Variants in LRBA observed in about 807,000 individuals in gnomAD.
LRBA encodes the protein LPS responsive beige-like anchor protein.
A neutral mutation model predicts 330.0 loss-of-function variants in LRBA; 176 were observed. The ratio of observed to expected loss-of-function variants is 0.53; its 90% CI spans 0.47 to 0.60. The LOEUF (loss-of-function observed/expected upper bound fraction) is 0.60. LRBA is among the 20% of genes least tolerant of loss of function. The pLI, the probability that LRBA is intolerant of heterozygous loss-of-function variation, is 0.00. For missense variants in LRBA, 3,259 were observed against 3,444.8 expected (o/e 0.95, Z 1.35); for synonymous variants, 1,230 against 1,193.0 (o/e 1.03, Z -0.64).
intron 40 of LRBA, among the ~76,000 whole-genome samples, chr4:150,555,168 C>A (rs956478021): frequency 2.0e-5 from 3 of 152,150 alleles, no homozygotes; most frequent in Non-Finnish European, 2.9e-5. Context: ...AATATCAATT[C>A]TTTCCATCAA....
rs996055806 is a variant in LRBA, at chr4:150,503,801, A to G, written c.6331-12766T>C. 3.3e-5 allele frequency among the ~76,000 whole-genome samples: 5 copies of G among 152,304 alleles called. No homozygotes were observed. In the South Asian group the frequency reaches 1.0e-3, roughly 32 times the overall value. Reference sequence around the variant, plus strand: ...AGATGATCAAACTACGCTGAGCTACAGGAGGAAATTCGAACCAATGGCAAA... The same window carrying G: ...AGATGATCAAACTACGCTGAGCTACGGGAGGAAATTCGAACCAATGGCAAA... On this transcript the variant is annotated intron_variant, in intron 40 of 56. Transcript: ENST00000651943.
intron 44 of LRBA, among the ~76,000 whole-genome samples, chr4:150,465,328 T>A (rs963697819): frequency 6.6e-6 from 1 of 152,138 alleles, no homozygotes; most frequent in East Asian, 1.9e-4. Flanking sequence ...GTTGTTTCTA[T>A]CTCTTAGCTG....
chr4:150,478,637 C>T (rs1020229024), intron 42 of LRBA, among the ~76,000 whole-genome samples: 5 of 152,176 alleles, frequency 3.3e-5, no homozygotes, highest in Non-Finnish European at 4.4e-5. Flanking sequence ...TCACTAAGTT[C>T]CAGTGATACT....
intron 46 of LRBA, among the ~76,000 whole-genome samples, chr4:150,428,011 A>G (rs936715784): frequency 1.3e-5 from 2 of 152,058 alleles, no homozygotes; most frequent in African/African-American, 2.4e-5. Context: ...CTCATGTTTT[A>G]CAAATCTCAC....
chr4:150,408,309 G>T (rs1746485306), intron 47 of LRBA, among the ~76,000 whole-genome samples: 1 of 151,748 alleles, frequency 6.6e-6, no homozygotes, highest in Non-Finnish European at 1.5e-5. Flanking sequence ...TTCCAAGAAA[G>T]AAATAAATTA....
chr4:150,882,954 T>C (rs1728562535), intron 17 of LRBA, among the ~76,000 whole-genome samples: 1 of 152,172 alleles, frequency 6.6e-6, no homozygotes, highest in South Asian at 2.1e-4. Flanking sequence ...AAAATTTCTG[T>C]CATTTGATGA....
intron 47 of LRBA, among the ~76,000 whole-genome samples, chr4:150,387,360 T>C (rs1743239112): frequency 6.6e-6 from 1 of 152,178 alleles, no homozygotes; most frequent in Non-Finnish European, 1.5e-5. Flanking sequence ...GAGTTCTTGT[T>C]TTAAATAAGT....
Position 150,963,886 on chromosome 4 carries a change from G to A in LRBA, c.217-34821C>T, listed in dbSNP as rs1175109785. Among the ~76,000 whole-genome samples the A allele has an allele frequency of 6.8e-5, 10 of 146,334 alleles. 2 individuals are homozygous for A. Among genetic ancestry groups the A allele is most frequent in the African/African-American group, 2.4e-4 (9 of 36,870 alleles). On this transcript the variant is annotated intron_variant, in intron 2 of 56. Coordinates refer to ENST00000651943, the MANE Select transcript of LRBA (RefSeq NM_001364905.1). ...TCTCTGCCTGGCCGCCCATCATCTG[G>A]GATGTGGGGAGCGCCTGTGCCCCGC... is the stretch of plus-strand genomic sequence containing the variant.
chr4:150,269,310 C>A (rs1745771759), intron 56 of LRBA, among the ~76,000 whole-genome samples: 1 of 152,098 alleles, frequency 6.6e-6, no homozygotes, highest in Non-Finnish European at 1.5e-5. Flanking sequence ...ATAGGCAGAC[C>A]AACAGAAGAG....
At chr4:150,536,297 T>G (rs1031477967) in intron 40 of LRBA, among the ~76,000 whole-genome samples, 3 of 152,206 alleles carry the variant, frequency 2.0e-5, no homozygotes, top group Admixed American at 6.5e-5. Context: ...TGAGATAATA[T>G]TAAGGACTAT....
chr4:151,002,394 C>A (rs1367600275), intron 2 of LRBA, among the ~76,000 whole-genome samples: 1 of 151,072 alleles, frequency 6.6e-6, no homozygotes, highest in Non-Finnish European at 1.5e-5. Flanking sequence ...TGATGAAACC[C>A]CCCCCACTAA....
intron 4 of LRBA, 140 bp downstream of exon 4, chr4:150,928,376 A>G: frequency 6.8e-6 from 4 of 586,620 alleles, no homozygotes; most frequent in Non-Finnish European, 1.2e-5. Flanking sequence ...GAGTAGCCAC[A>G]GGGATCTCAA....
intron 13 of LRBA, among the ~76,000 whole-genome samples, chr4:150,903,120 G>T (rs1455171344): frequency 6.6e-6 from 1 of 152,208 alleles, no homozygotes; most frequent in Non-Finnish European, 1.5e-5. Context: ...GGTAGCTCAA[G>T]ACTGTAATCC....
intron 52 of LRBA, among the ~76,000 whole-genome samples, chr4:150,304,886 C>T (rs1730155908): frequency 6.6e-6 from 1 of 152,080 alleles, no homozygotes; most frequent in African/African-American, 2.4e-5. Flanking sequence ...TGTATTTTAA[C>T]TACTGAAAGA....
At chr4:150,676,594 C>G (rs187509164) in intron 37 of LRBA, among the ~76,000 whole-genome samples, 1 of 152,226 alleles carries the variant, frequency 6.6e-6, no homozygotes, top group Non-Finnish European at 1.5e-5. Flanking sequence ...AACTTCAAGG[C>G]TGGGCTAAAT....
At chr4:150,433,246 A>C (rs752504116) in intron 46 of LRBA, among the ~76,000 whole-genome samples, 8 of 152,162 alleles carry the variant, frequency 5.3e-5, no homozygotes, top group Non-Finnish European at 1.0e-4. Flanking sequence ...TTGATGTTAT[A>C]GTTGTTTAGA....
chr4:150,910,498 C>A (rs1343503585), intron 9 of LRBA, among the ~76,000 whole-genome samples: 3 of 152,158 alleles, frequency 2.0e-5, no homozygotes, highest in African/African-American at 7.2e-5. Flanking sequence ...AAGTTTATTT[C>A]CGGACACTCT....
intron 47 of LRBA, among the ~76,000 whole-genome samples, chr4:150,375,329 T>C (rs976119959): frequency 2.0e-5 from 3 of 152,114 alleles, no homozygotes; most frequent in Non-Finnish European, 4.4e-5. Context: ...ACCTGGGGGG[T>C]AATGCTGGAG....
chr4:150,776,645 T>G (rs1394550879), intron 34 of LRBA, among the ~76,000 whole-genome samples: 1 of 152,050 alleles, frequency 6.6e-6, no homozygotes, highest in South Asian at 2.1e-4. Context: ...AAACCCCATC[T>G]CTACTGAAAA....
Sources: gnomAD v4.1 joint callset for allele counts (sites outside exome capture counted in the v4.1 genomes callset) on GRCh38, gnomAD v4.1.1 for gene constraint, MANE v1.5 for transcripts, NCBI Gene and HGNC (gene_info 2026-07-23, HGNC 2026-07-21) for gene names.